The following ATP2B2 variants were observed in gnomAD, a reference collection of about 807,000 sequenced individuals.
ATP2B2 encodes the protein ATPase plasma membrane Ca2+ transporting 2.
ATP2B2 carries 15 observed loss-of-function variants against 120.0 expected under a neutral mutation model. That is an observed-to-expected ratio of 0.12 (90% CI 0.08 to 0.19). The LOEUF (loss-of-function observed/expected upper bound fraction) is 0.19. ATP2B2 is among the 10% of genes least tolerant of loss of function. The pLI is 1.00. For synonymous variants in ATP2B2, 694 were observed against 700.3 expected (o/e 0.99, Z 0.14); for missense variants, 1,045 against 1,719.8 (o/e 0.61, Z 6.94).
rs1467316496 is a variant in ATP2B2, at chr3:10,359,874, G to A, written c.1901+8C>T. On this transcript the variant is annotated splice_region_variant and intron_variant, in intron 13 of 22. Transcript: ENST00000360273. ...GCCCTCAGCCCCGGTGCCCTGCCCA[G>A]CGCTTACTTCTTGAGCACGATCTCA... is the stretch of plus-strand genomic sequence containing the variant. The A allele has an allele frequency of 1.9e-6, 3 of 1,614,192 alleles. No homozygotes were observed. In the South Asian group the frequency reaches 3.3e-5, roughly 18 times the overall value.
chr3:10,579,804 C>G (rs544719623), intron 2 of ATP2B2, among the ~76,000 whole-genome samples: 1 of 66,084 alleles, frequency 1.5e-5, no homozygotes, highest in African/African-American at 4.8e-5. Flanking sequence ...AGCGAGACTC[C>G]GTCTTGAAAA....
chr3:10,571,953 C>T (rs2068138189), intron 2 of ATP2B2, among the ~76,000 whole-genome samples: 1 of 152,172 alleles, frequency 6.6e-6, no homozygotes, highest in Non-Finnish European at 1.5e-5. Flanking sequence ...GCAGTTTCTC[C>T]CATTAAGGGG....
At chr3:10,357,354 C>T (rs1226981581) in intron 14 of ATP2B2, among the ~76,000 whole-genome samples, 1 of 152,136 alleles carries the variant, frequency 6.6e-6, no homozygotes, top group Non-Finnish European at 1.5e-5. Context: ...TGTGCCGGCA[C>T]TCAGGATCAC....
intron 12 of ATP2B2, among the ~76,000 whole-genome samples, chr3:10,369,574 C>T (rs57169062): frequency 0.018 from 2,717 of 152,280 alleles, 73 homozygotes; most frequent in African/African-American, 0.061. Flanking sequence ...TTGTTAACCT[C>T]TGCATTGCTA....
At chr3:10,480,578 C>T (rs1008124795) in intron 1 of ATP2B2, among the ~76,000 whole-genome samples, 19 of 152,216 alleles carry the variant, frequency 1.2e-4, no homozygotes, top group Non-Finnish European at 2.2e-4. Flanking sequence ...AACTCCCTGT[C>T]ATATGCCAGT....
chr3:10,501,751 T>G (rs2066403058), intron 1 of ATP2B2, among the ~76,000 whole-genome samples: 1 of 152,074 alleles, frequency 6.6e-6, no homozygotes, highest in Admixed American at 6.5e-5. Flanking sequence ...AGTCACCCAC[T>G]AGGCTGGAGA....
chr3:10,554,252 G>A (rs1235870133), intron 2 of ATP2B2, among the ~76,000 whole-genome samples: 1 of 152,196 alleles, frequency 6.6e-6, no homozygotes, highest in Non-Finnish European at 1.5e-5. Context: ...AGGGGAGACA[G>A]CTTGCCCAAG....
chr3:10,336,859 C>T (rs1416713990), intron 22 of ATP2B2, among the ~76,000 whole-genome samples: 4 of 152,210 alleles, frequency 2.6e-5, no homozygotes, highest in African/African-American at 9.6e-5. Context: ...GCAAGACAGG[C>T]GCCCCTGCCC....
At chr3:10,642,539 G>C (rs7615831) in intron 1 of ATP2B2, among the ~76,000 whole-genome samples, 47,974 of 151,976 alleles carry the variant, frequency 0.32, 11,450 homozygotes, top group African/African-American at 0.66. Context: ...ACCCACACAC[G>C]TACACACAAT....
At chr3:10,513,257 A>G (rs2066809512) in intron 3 of ATP2B2, among the ~76,000 whole-genome samples, 1 of 152,024 alleles carries the variant, frequency 6.6e-6, no homozygotes, top group South Asian at 2.1e-4. Context: ...CTGGAGTGGG[A>G]GTTCAGTAGG....
intron 2 of ATP2B2, among the ~76,000 whole-genome samples, chr3:10,609,053 G>A (rs1394969967): frequency 5.3e-5 from 8 of 152,202 alleles, no homozygotes; most frequent in African/African-American, 9.6e-5. Context: ...AAGTCCTGCC[G>A]CTGCTTCATG....
intron 8 of ATP2B2, 81 bp from the exon 9 acceptor site, chr3:10,379,365 A>G: frequency 6.8e-7 from 1 of 1,470,660 alleles, no homozygotes; most frequent in Non-Finnish European, 9.5e-7. Context: ...CAGGCCACAG[A>G]CATTAATGTC....
intron 2 of ATP2B2, among the ~76,000 whole-genome samples, chr3:10,437,686 G>A (rs1315892874): frequency 6.6e-6 from 1 of 152,212 alleles, no homozygotes; most frequent in African/African-American, 2.4e-5. Context: ...CCATGTCAGA[G>A]TGTTCTGGGC....
At chr3:10,545,427 G>A (rs899251308) in intron 2 of ATP2B2, among the ~76,000 whole-genome samples, 4 of 152,190 alleles carry the variant, frequency 2.6e-5, no homozygotes, top group East Asian at 1.9e-4. Context: ...TACTTGGGAG[G>A]CTGCAGCGAG....
chr3:10,582,385 A>C (rs1575522370), intron 2 of ATP2B2, among the ~76,000 whole-genome samples: 1 of 152,090 alleles, frequency 6.6e-6, no homozygotes, highest in East Asian at 1.9e-4. Flanking sequence ...TCTTTCTTTC[A>C]ACAACACACA....
chr3:10,544,302 C>T (rs759128182), intron 2 of ATP2B2, among the ~76,000 whole-genome samples: 2 of 152,168 alleles, frequency 1.3e-5, no homozygotes, highest in African/African-American at 2.4e-5. Flanking sequence ...AGCACAACAA[C>T]GAATTACAAA....
chr3:10,566,293 C>T (rs1205360307), intron 2 of ATP2B2: 2 of 152,230 alleles, frequency 1.3e-5, no homozygotes, highest in African/African-American at 2.4e-5. Context: ...AAGGTCCTAG[C>T]TAATTAGGAG....
At chr3:10,451,939 A>G (rs550218359) in intron 1 of ATP2B2, among the ~76,000 whole-genome samples, 52 of 152,248 alleles carry the variant, frequency 3.4e-4, no homozygotes, top group South Asian at 6.2e-4. Context: ...TGAGTTCTGT[A>G]TCATCCATCC....
At chr3:10,486,622 G>T (rs1032505622) in intron 1 of ATP2B2, among the ~76,000 whole-genome samples, 3 of 152,068 alleles carry the variant, frequency 2.0e-5, no homozygotes, top group Admixed American at 6.5e-5. Flanking sequence ...TCACCTACTA[G>T]CAAGGTCCTC....
Sources: allele counts gnomAD v4.1 joint callset (sites outside exome capture counted in the v4.1 genomes callset), GRCh38; gene constraint gnomAD v4.1.1; transcripts MANE v1.5; gene names NCBI Gene and HGNC (gene_info 2026-07-23, HGNC 2026-07-21).